Variants in ITGA11 observed in about 807,000 individuals in gnomAD.
ITGA11 encodes integrin alpha-11.
A neutral mutation model predicts 141.9 loss-of-function variants in ITGA11; 97 were observed. The observed-to-expected ratio is 0.68, with a 90% CI of 0.58 to 0.81. The LOEUF (loss-of-function observed/expected upper bound fraction) is 0.81, where lower values mean the gene tolerates loss of function less well. Ranked by LOEUF, ITGA11 falls within the 30% of genes least tolerant of loss-of-function variation. ITGA11 has a pLI of 0.00. For synonymous variants in ITGA11, 658 were observed against 624.6 expected (o/e 1.05, Z -0.80); for missense variants, 1,387 against 1,559.2 (o/e 0.89, Z 1.86).
At chr15:68,312,693 G>C in intron 24 of ITGA11, 80 bp downstream of exon 24, 1 of 1,085,732 alleles carries the variant, frequency 9.2e-7, no homozygotes, top group South Asian at 1.4e-5. Context: ...CACTAGCGAT[G>C]ATTCCACATT....
At chr15:68,401,736 G>T (rs906757968) in intron 2 of ITGA11, among the ~76,000 whole-genome samples, 4 of 152,106 alleles carry the variant, frequency 2.6e-5, no homozygotes, top group African/African-American at 7.2e-5. Flanking sequence ...CTGGGAAGCT[G>T]GAAATGGTGG....
intron 2 of ITGA11, among the ~76,000 whole-genome samples, chr15:68,388,015 G>T (rs538598860): frequency 6.6e-6 from 1 of 152,134 alleles, no homozygotes; most frequent in African/African-American, 2.4e-5. Flanking sequence ...CAAACTGAAG[G>T]CCCCCTCCCC....
At chr15:68,403,956 G>T (rs1208587553) in intron 1 of ITGA11, among the ~76,000 whole-genome samples, 1 of 152,122 alleles carries the variant, frequency 6.6e-6, no homozygotes, top group Non-Finnish European at 1.5e-5. Flanking sequence ...CATAAAACCT[G>T]CTCTCAAAGA....
chr15:68,416,853 T>C (rs976816438), intron 1 of ITGA11, among the ~76,000 whole-genome samples: 1 of 152,004 alleles, frequency 6.6e-6, no homozygotes, highest in Non-Finnish European at 1.5e-5. Flanking sequence ...GAGGCAGAGG[T>C]TGCAGTAAGC....
intron 1 of ITGA11, among the ~76,000 whole-genome samples, chr15:68,403,824 G>C (rs770190577): frequency 6.6e-6 from 1 of 152,038 alleles, no homozygotes; most frequent in Admixed American, 6.5e-5. Flanking sequence ...TTTTAGTAGA[G>C]ACAGGGTTTC....
chr15:68,332,039 C>A lies in ITGA11; in HGVS notation c.1590G>T (p.Thr530=), dbSNP rs372493877. The part of the protein sequence containing the change: ...LRQNLFVYNG[T]LKDSHSYQNA... ...TCTGGTAACTGTGTGAATCCTTTAGCGTTCCGTTATAAACAAACAGGTTCT... is the reference window on the plus strand; with the variant it reads ...TCTGGTAACTGTGTGAATCCTTTAGAGTTCCGTTATAAACAAACAGGTTCT... The change falls in exon 14 of 30, where the codon ACG becomes ACT. Residue 530 remains threonine, a synonymous_variant. Coordinates refer to ENST00000315757, the MANE Select transcript of ITGA11 (RefSeq NM_001004439.2). The A allele has an allele frequency of 6.2e-7, 1 of 1,606,786 alleles. No individual in the cohort carries two copies. Among genetic ancestry groups the A allele is most frequent in the African/African-American group, 1.3e-5 (1 of 74,882 alleles).
At chr15:68,407,012 G>A (rs1274631745) in intron 1 of ITGA11, among the ~76,000 whole-genome samples, 1 of 152,200 alleles carries the variant, frequency 6.6e-6, no homozygotes, top group African/African-American at 2.4e-5. Flanking sequence ...CCGGGGTGAT[G>A]TGTTCTCTTC....
chr15:68,397,400 T>TATATATTATTTATTATATAATATATA (rs1333448019), intron 2 of ITGA11, among the ~76,000 whole-genome samples: 7 of 56,554 alleles, frequency 1.2e-4, no homozygotes, highest in African/African-American at 6.0e-4. Context: ...TATAATATAT[T>TATATATTATTTATTATATAATATATA]ATATATTATT....
At chr15:68,314,765 T>G (rs1460251700) in intron 22 of ITGA11, among the ~76,000 whole-genome samples, 1 of 152,212 alleles carries the variant, frequency 6.6e-6, no homozygotes, top group African/African-American at 2.4e-5. Context: ...TCTACCAGGA[T>G]GCACAATTCA....
At chr15:68,386,001 C>G (rs1051023451) in intron 2 of ITGA11, among the ~76,000 whole-genome samples, 1 of 152,150 alleles carries the variant, frequency 6.6e-6, no homozygotes, top group Non-Finnish European at 1.5e-5. Context: ...CTGTCCCTCC[C>G]CAGCCCACCA....
chr15:68,370,237 AC>A (rs953539157), intron 2 of ITGA11, among the ~76,000 whole-genome samples: 3 of 152,138 alleles, frequency 2.0e-5, no homozygotes, highest in African/African-American at 7.2e-5. Flanking sequence ...GAACTAACAC[AC>A]CTGGCTTACT....
At position 68,333,820 on chromosome 15, in the gene ITGA11, T is replaced by C. The variant is rs765889283; in HGVS notation, c.1426-1342A>G. Among the ~76,000 whole-genome samples the C allele has an allele frequency of 6.6e-5, 10 of 152,052 alleles. No individual in the cohort carries two copies. The highest frequency in any genetic ancestry group is 1.2e-4 in the Non-Finnish European group (8 of 67,994). ...GACCAGCCTCCCTCCCCAGCCTCTG[T>C]CCCCACAAGCTCCTGCTCCCACTGC... On this transcript the variant is annotated intron_variant, in intron 12 of 29. Transcript: ENST00000315757. This position sits in a 1 kb window ranked among gnomAD's most constrained non-coding sequence, Gnocchi z 4.2.
intron 1 of ITGA11, among the ~76,000 whole-genome samples, chr15:68,404,099 T>A (rs1007797013): frequency 2.6e-5 from 4 of 152,064 alleles, no homozygotes; most frequent in Admixed American, 2.6e-4. Flanking sequence ...TCTCCTCTTT[T>A]TTTTCCCTCT....
intron 6 of ITGA11, among the ~76,000 whole-genome samples, chr15:68,358,037 T>C (rs1168903744): frequency 1.3e-5 from 2 of 152,212 alleles, no homozygotes; most frequent in Non-Finnish European, 2.9e-5. Flanking sequence ...GGAATGAATC[T>C]ACCTCCGCGT....
chr15:68,317,584 G>A (rs538057208), intron 20 of ITGA11, among the ~76,000 whole-genome samples: 13 of 152,062 alleles, frequency 8.5e-5, no homozygotes, highest in Admixed American at 5.9e-4. Flanking sequence ...GACACGGGGC[G>A]GGACACACTC....
chr15:68,353,731 A>G (rs1181581820), intron 7 of ITGA11, among the ~76,000 whole-genome samples: 2 of 152,184 alleles, frequency 1.3e-5, no homozygotes, highest in South Asian at 2.1e-4. Flanking sequence ...AACAGGCTCC[A>G]TGGGCCTAGA....
At chr15:68,428,875 C>T (rs994255531) in intron 1 of ITGA11, among the ~76,000 whole-genome samples, 1 of 152,198 alleles carries the variant, frequency 6.6e-6, no homozygotes, top group Non-Finnish European at 1.5e-5. Flanking sequence ...AACAAAACAA[C>T]AACCCTGAGT....
rs781573214 is a variant in ITGA11, at chr15:68,326,738, G to C, written c.2127C>G (p.Asp709Glu). ...TGTTGGTGAATCGGTCCCCGCCCTC[G>C]TCCAGGTGGGCCCTCGGTGTATACC... ...ERRYTPRAHL[D>E]EGGDRFTNRA... The change falls in exon 17 of 30, where the codon GAC becomes GAG. Residue 709 changes from aspartate (D) to glutamate (E), a missense_variant. Asp to Glu is a conservative substitution (Grantham distance 45). Coordinates refer to ENST00000315757, the MANE Select transcript of ITGA11 (RefSeq NM_001004439.2). The surrounding 1 kb of genome is among the most constrained non-coding windows in gnomAD (Gnocchi z 6.8). The C allele has an allele frequency of 6.3e-7, 1 of 1,582,418 alleles. No individual in the cohort carries two copies. Among genetic ancestry groups the C allele is most frequent in the Non-Finnish European group, 8.6e-7 (1 of 1,164,178 alleles).
intron 1 of ITGA11, among the ~76,000 whole-genome samples, chr15:68,416,862 G>A (rs1228709730): frequency 6.6e-6 from 1 of 152,188 alleles, no homozygotes; most frequent in African/African-American, 2.4e-5. Flanking sequence ...GTTGCAGTAA[G>A]CCAAGATCGC....
Sources: allele counts gnomAD v4.1 joint callset (sites outside exome capture counted in the v4.1 genomes callset), GRCh38; gene constraint gnomAD v4.1.1; non-coding constraint Gnocchi (gnomAD v3.1); transcripts MANE v1.5; gene names NCBI Gene and HGNC (gene_info 2026-07-23, HGNC 2026-07-21).